The following ZNF385C variants were observed in gnomAD, a reference collection of about 807,000 sequenced individuals.
ZNF385C encodes CTD-2132N18.2.
A neutral mutation model predicts 35.4 loss-of-function variants in ZNF385C; 28 were observed. The observed-to-expected ratio is 0.79, with a 90% confidence interval of 0.59 to 1.08. The LOEUF (loss-of-function observed/expected upper bound fraction) is 1.08. Among genes scored for constraint, ZNF385C ranks in the 50% least tolerant of loss-of-function variants. The pLI, the probability that ZNF385C is intolerant of heterozygous loss-of-function variation, is 0.00. For synonymous variants in ZNF385C, 248 were observed against 248.2 expected (o/e 1.00, Z 0.01); for missense variants, 605 against 595.6 (o/e 1.02, Z -0.16).
At chr17:42,040,482 G>A (rs1555656019) in intron 2 of ZNF385C, 2 of 1,232,266 alleles carry the variant, frequency 1.6e-6, no homozygotes, top group African/African-American at 1.6e-5. Flanking sequence ...CTGCCTGCAG[G>A]ACAAGGGAGA....
At chr17:42,097,693 C>G (rs1300382405) in intron 1 of ZNF385C, among the ~76,000 whole-genome samples, 3 of 152,110 alleles carry the variant, frequency 2.0e-5, no homozygotes, top group Non-Finnish European at 4.4e-5. Context: ...CCTCGAGGTC[C>G]TGGGAGGCAG....
intron 4 of ZNF385C, 114 bp downstream of exon 4, chr17:42,034,111 G>A: frequency 1.2e-6 from 1 of 846,960 alleles, no homozygotes; most frequent in East Asian, 2.7e-5. Context: ...GGAAAATACC[G>A]ACCACAGCCC....
chr17:42,032,716 CTTTT>C (rs573697940), intron 4 of ZNF385C, among the ~76,000 whole-genome samples: 4 of 144,842 alleles, frequency 2.8e-5, no homozygotes, highest in Admixed American at 7.0e-5. Context: ...TCTCCTCCAT[CTTTT>C]TTTTTTTTTG....
chr17:42,037,306 A>G (rs1318834502), intron 3 of ZNF385C, among the ~76,000 whole-genome samples: 1 of 152,052 alleles, frequency 6.6e-6, no homozygotes, highest in Non-Finnish European at 1.5e-5. Flanking sequence ...CACACGTTGG[A>G]CACCAACACA....
chr17:42,037,897 A>C lies in ZNF385C; in HGVS notation c.251-12T>G. The C allele has an allele frequency of 6.5e-7, 1 of 1,534,898 alleles. No individual in the cohort carries two copies. Among genetic ancestry groups the C allele is most frequent in the Non-Finnish European group, 8.8e-7 (1 of 1,138,048 alleles). On this transcript the variant is annotated splice_polypyrimidine_tract_variant and intron_variant, in intron 2 of 8. Transcript: ENST00000692273. The stretch of plus-strand genomic sequence containing the variant: ...GGAGGCCGGGCCTGCTGCAGGAGGA[A>C]GAAGGGCAGGGTCTGAAATGGGCTC...
At chr17:42,085,148 T>C (rs1230237716) in intron 1 of ZNF385C, among the ~76,000 whole-genome samples, 3 of 152,002 alleles carry the variant, frequency 2.0e-5, no homozygotes, top group Non-Finnish European at 2.9e-5. Flanking sequence ...AATACAAAAA[T>C]TAGCCAGGCG....
intron 3 of ZNF385C, among the ~76,000 whole-genome samples, chr17:42,035,287 C>T (rs1281409175): frequency 6.6e-6 from 1 of 151,812 alleles, no homozygotes; most frequent in African/African-American, 2.4e-5. Context: ...AGAACCATGT[C>T]CTGGTGATCA....
At chr17:42,051,303 G>A (rs1369052467) in intron 2 of ZNF385C, among the ~76,000 whole-genome samples, 1 of 152,080 alleles carries the variant, frequency 6.6e-6, no homozygotes, top group Non-Finnish European at 1.5e-5. Context: ...GAGTGGGGAA[G>A]AGGGAGGGAG....
At chr17:42,077,469 C>T (rs2053697414) in intron 1 of ZNF385C, among the ~76,000 whole-genome samples, 1 of 152,162 alleles carries the variant, frequency 6.6e-6, no homozygotes. Flanking sequence ...GAGGCCCATA[C>T]CGAACAGCAG....
intron 1 of ZNF385C, among the ~76,000 whole-genome samples, chr17:42,092,301 T>G (rs1490871922): frequency 6.6e-6 from 1 of 151,928 alleles, no homozygotes; most frequent in African/African-American, 2.4e-5. Context: ...CTCAGGAGGC[T>G]GAGGCACGAG....
chr17:42,029,124 G>C (rs144595241), intron 5 of ZNF385C, 51 bp from the exon 6 acceptor site: 6 of 1,513,104 alleles, frequency 4.0e-6, no homozygotes, highest in Non-Finnish European at 4.4e-6. Context: ...TGCAGACCAC[G>C]ATCTTCAGCT....
chr17:42,069,257 T>C (rs1458263906), intron 1 of ZNF385C, among the ~76,000 whole-genome samples: 1 of 130,884 alleles, frequency 7.6e-6, no homozygotes, highest in African/African-American at 2.9e-5. Context: ...TGTCCATCAA[T>C]GTGGAGCTGG....
At position 42,071,805 on chromosome 17, in the gene ZNF385C, C is replaced by T. The variant is rs147302832; in HGVS notation, c.-2-8747G>A. Among the ~76,000 whole-genome samples, 10 of 152,332 alleles carry T rather than the reference C, an allele frequency of 6.6e-5. No homozygotes were observed. The East Asian group carries it at 1.5e-3, about 24-fold the overall frequency. On this transcript the variant is annotated intron_variant, in intron 1 of 8. Coordinates refer to ENST00000692273, the MANE Select transcript of ZNF385C (RefSeq NM_001392013.1). ...GCTCTCCTGCTCTCCCTGCCCAATC[C>T]CATAGGACCCAGAAGGGGAGCTCCC...
chr17:42,078,004 G>T (rs148739734), intron 1 of ZNF385C, among the ~76,000 whole-genome samples: 86 of 152,312 alleles, frequency 5.6e-4, no homozygotes, highest in African/African-American at 2.0e-3. Context: ...TCCTGCCACT[G>T]CTGGGCTCCA....
chr17:42,056,781 G>A (rs1444776841), intron 2 of ZNF385C, among the ~76,000 whole-genome samples: 1 of 152,042 alleles, frequency 6.6e-6, no homozygotes, highest in Admixed American at 6.6e-5. Flanking sequence ...CTTTCACTTG[G>A]CTGTCATTCT....
At chr17:42,059,782 C>T (rs374195424) in intron 2 of ZNF385C, among the ~76,000 whole-genome samples, 49 of 152,090 alleles carry the variant, frequency 3.2e-4, no homozygotes, top group Admixed American at 8.5e-4. Context: ...CTACCATGCC[C>T]GGCTAATTTT....
chr17:42,053,538 C>A (rs1555657296), intron 2 of ZNF385C, among the ~76,000 whole-genome samples: 1 of 152,212 alleles, frequency 6.6e-6, no homozygotes, highest in Non-Finnish European at 1.5e-5. Flanking sequence ...GAACCTTTGA[C>A]ATGGGCTCCC....
chr17:42,093,984 CTTT>C (rs782233998), intron 1 of ZNF385C, among the ~76,000 whole-genome samples: 5 of 137,396 alleles, frequency 3.6e-5, no homozygotes, highest in East Asian at 2.1e-4. Context: ...GCATTATCAC[CTTT>C]TTTTTTTTTT....
chr17:42,060,014 C>T (rs938820621), intron 2 of ZNF385C, among the ~76,000 whole-genome samples: 5 of 152,132 alleles, frequency 3.3e-5, no homozygotes, highest in Non-Finnish European at 1.5e-5. Flanking sequence ...CCACAGGGAC[C>T]GTTGCCCAGG....
Sources: allele counts gnomAD v4.1 joint callset (sites outside exome capture counted in the v4.1 genomes callset), GRCh38; gene constraint gnomAD v4.1.1; transcripts MANE v1.5; gene names NCBI Gene and HGNC (gene_info 2026-07-23, HGNC 2026-07-21).